Variants in PTPRN2 observed in about 807,000 individuals in gnomAD.
PTPRN2 encodes receptor-type tyrosine-protein phosphatase N2.
A neutral mutation model predicts 118.8 loss-of-function variants in PTPRN2; 74 were observed. The observed-to-expected ratio is 0.62, with a 90% CI of 0.52 to 0.76. PTPRN2 has a LOEUF of 0.76. Ranked by LOEUF, PTPRN2 falls within the 30% of genes least tolerant of loss-of-function variation. The pLI, the probability that PTPRN2 is intolerant of heterozygous loss-of-function variation, is 0.00. For synonymous variants in PTPRN2, 641 were observed against 608.0 expected (o/e 1.05, Z -0.80); for missense variants, 1,481 against 1,394.4 (o/e 1.06, Z -0.99).
At chr7:158,548,970 C>A (rs1826466161) in intron 1 of PTPRN2, among the ~76,000 whole-genome samples, 1 of 152,222 alleles carries the variant, frequency 6.6e-6, no homozygotes, top group Non-Finnish European at 1.5e-5. Flanking sequence ...CCAGCCCAGG[C>A]ACGGCCAACG....
Position 158,069,060 on chromosome 7 carries a change from G to A in PTPRN2, c.1723+12238C>T, listed in dbSNP as rs932335069. Among the ~76,000 whole-genome samples the A allele has an allele frequency of 6.6e-5, 10 of 152,302 alleles. No individual in the cohort carries two copies. In the South Asian group the frequency reaches 2.1e-3, roughly 32 times the overall value. On this transcript the variant is annotated intron_variant, in intron 11 of 22. Coordinates refer to ENST00000389418, the MANE Select transcript of PTPRN2 (RefSeq NM_002847.5). The stretch of plus-strand genomic sequence containing the variant: ...TGGGCTTTGCATCATACGAATCATC[G>A]CATCTCGTTAGTGAAGCGGCCTCAT...
At chr7:158,150,915 C>A (rs544314530) in intron 6 of PTPRN2, among the ~76,000 whole-genome samples, 2 of 151,936 alleles carry the variant, frequency 1.3e-5, no homozygotes, top group Non-Finnish European at 2.9e-5. Context: ...GCAAATGGGC[C>A]CCACACAACA....
At position 158,061,283 on chromosome 7, in the gene PTPRN2, G is replaced by A. The variant is rs543964855; in HGVS notation, c.1723+20015C>T. 1.4e-4 allele frequency among the ~76,000 whole-genome samples: 22 copies of A among 152,338 alleles called. No homozygotes were observed. In the East Asian group the frequency reaches 4.2e-3, roughly 29 times the overall value. ...TTACTGATGTGCACAAAGGACCCAG[G>A]GACCACTTAAAACAAGGGGAGGACT... On this transcript the variant is annotated intron_variant, in intron 11 of 22. Coordinates refer to ENST00000389418, the MANE Select transcript of PTPRN2 (RefSeq NM_002847.5).
chr7:158,585,860 AAAC>A (rs1828876507), intron 1 of PTPRN2, among the ~76,000 whole-genome samples: 2 of 152,210 alleles, frequency 1.3e-5, no homozygotes, highest in Non-Finnish European at 2.9e-5. Flanking sequence ...GCCTCAGAGC[AAAC>A]AACTCTCCCA....
At chr7:157,682,243 T>C (rs1019514152) in intron 13 of PTPRN2, among the ~76,000 whole-genome samples, 1 of 152,068 alleles carries the variant, frequency 6.6e-6, no homozygotes, top group African/African-American at 2.4e-5. Context: ...TGGGTCACCT[T>C]CCCCTGGTCA....
At chr7:158,290,928 A>G (rs1323859381) in intron 3 of PTPRN2, among the ~76,000 whole-genome samples, 1 of 152,190 alleles carries the variant, frequency 6.6e-6, no homozygotes, top group Non-Finnish European at 1.5e-5. Flanking sequence ...AATGTTGACT[A>G]TGTGACTCTC....
At chr7:158,535,214 G>A (rs1418395987) in intron 1 of PTPRN2, among the ~76,000 whole-genome samples, 7 of 152,168 alleles carry the variant, frequency 4.6e-5, no homozygotes, top group Admixed American at 1.3e-4. Context: ...CAATCTGGTC[G>A]AAGAAAACAG....
intron 2 of PTPRN2, among the ~76,000 whole-genome samples, chr7:158,396,311 A>AT (rs1812495861): frequency 1.3e-5 from 2 of 152,244 alleles, no homozygotes; most frequent in Non-Finnish European, 2.9e-5. Context: ...ATTAATGCAT[A>AT]TATCTCTATT....
intron 2 of PTPRN2, among the ~76,000 whole-genome samples, chr7:158,363,796 G>A (rs1045532631): frequency 2.6e-5 from 4 of 152,176 alleles, no homozygotes; most frequent in Non-Finnish European, 5.9e-5. Context: ...CCAGTGTCTG[G>A]GTCTCCACGG....
rs114814237 is a variant in PTPRN2 at position 158,214,762 on chromosome 7, C to T, written c.278-9489G>A. ...TTGAAACTCCCACCCCTCTCCCTAACCAATCAGTAAAAAGACCCCACCTTC... is the reference window on the plus strand; with the variant it reads ...TTGAAACTCCCACCCCTCTCCCTAATCAATCAGTAAAAAGACCCCACCTTC... On this transcript the variant is annotated intron_variant, in intron 3 of 22. Transcript: ENST00000389418. Among the ~76,000 whole-genome samples the T allele has an allele frequency of 7.4e-3, 1,132 of 152,176 alleles. 17 individuals carry two copies. Among genetic ancestry groups the T allele is most frequent in the African/African-American group, 0.026 (1,069 of 41,528 alleles).
intron 3 of PTPRN2, among the ~76,000 whole-genome samples, chr7:158,238,569 G>A (rs982570557): frequency 6.6e-6 from 1 of 152,110 alleles, no homozygotes; most frequent in Admixed American, 6.5e-5. Context: ...TTAGATTCAG[G>A]TCTTGTTAAC....
At position 157,808,451 on chromosome 7, in the gene PTPRN2, A is replaced by G. The variant is rs963737422; in HGVS notation, c.1788+90222T>C. Among the ~76,000 whole-genome samples, 1 of 152,048 alleles carries G rather than the reference A, an allele frequency of 6.6e-6. No individual in the cohort carries two copies. Among genetic ancestry groups the G allele is most frequent in the African/African-American group, 2.4e-5 (1 of 41,382 alleles). ...AGCTCAGCAGTGGCATCAGATTCTCATAGGAGCTTGAGCCCTGTTGTGAAC... is the reference window on the plus strand; with the variant it reads ...AGCTCAGCAGTGGCATCAGATTCTCGTAGGAGCTTGAGCCCTGTTGTGAAC... On this transcript the variant is annotated intron_variant, in intron 12 of 22. Transcript: ENST00000389418. The surrounding 1 kb of genome is among the most constrained non-coding windows in gnomAD (Gnocchi z 5.0).
intron 12 of PTPRN2, among the ~76,000 whole-genome samples, chr7:157,882,211 GAGACC>G (rs1796172938): frequency 1.3e-5 from 2 of 150,002 alleles, no homozygotes; most frequent in South Asian, 2.1e-4. Context: ...ATGACTATCA[GAGACC>G]AGATACACCA....
chr7:157,811,947 G>A (rs920721405), intron 12 of PTPRN2, among the ~76,000 whole-genome samples: 29 of 152,248 alleles, frequency 1.9e-4, no homozygotes, highest in Admixed American at 1.4e-3. Flanking sequence ...AGGGCGATGG[G>A]GTCGCTGTCT....
At chr7:157,556,089 C>T (rs1317660620) in intron 21 of PTPRN2, among the ~76,000 whole-genome samples, 1 of 152,196 alleles carries the variant, frequency 6.6e-6, no homozygotes, top group African/African-American at 2.4e-5. Flanking sequence ...GAGCAAAACT[C>T]GGCTCAAGGT....
chr7:158,151,165 C>T lies in PTPRN2; in HGVS notation c.911-12650G>A, dbSNP rs1281453645. On this transcript the variant is annotated intron_variant, in intron 6 of 22. Transcript: ENST00000389418. ...TATTCCTGCCTCTCCCTGCCCACAC[C>T]GCCCGCCTTTCTGCTCCTGCCTCTC... Among the ~76,000 whole-genome samples, 89 of 52,834 alleles carry T rather than the reference C, an allele frequency of 1.7e-3. 3 individuals are homozygous for T. The highest frequency in any genetic ancestry group is 0.011 in the Middle Eastern group (1 of 92). The allele number at this position is 52,834 out of a possible 152,430, so 34.7% of individuals were successfully genotyped here.
In PTPRN2 at chr7:158,565,175, A is replaced by G. The variant is rs11977258; in HGVS notation, c.112+22383T>C. On this transcript the variant is annotated intron_variant, in intron 1 of 22. Transcript: ENST00000389418. This position sits in a 1 kb window ranked among gnomAD's most constrained non-coding sequence, Gnocchi z 4.6. ...CCAGGAACATGACACAGTCCGTGCT[A>G]CATCAGATCTGAGTATCAGGATCCA... Among the ~76,000 whole-genome samples, 1,760 of 152,316 alleles carry G rather than the reference A, an allele frequency of 0.012. 28 individuals carry two copies. The highest frequency in any genetic ancestry group is 0.04 in the African/African-American group (1,675 of 41,546).
intron 12 of PTPRN2, among the ~76,000 whole-genome samples, chr7:157,799,953 C>G (rs1348341148): frequency 6.1e-5 from 9 of 148,388 alleles, no homozygotes; most frequent in African/African-American, 1.8e-4. Flanking sequence ...GGCACCACAG[C>G]CGGCCTCCTT....
At chr7:158,251,900 G>A (rs1325979686) in intron 3 of PTPRN2, among the ~76,000 whole-genome samples, 1 of 152,140 alleles carries the variant, frequency 6.6e-6, no homozygotes, top group Non-Finnish European at 1.5e-5. Flanking sequence ...CCTGTGACTT[G>A]AAGCCTCCAT....
Sources: allele counts gnomAD v4.1 joint callset (sites outside exome capture counted in the v4.1 genomes callset), GRCh38; gene constraint gnomAD v4.1.1; non-coding constraint Gnocchi (gnomAD v3.1); transcripts MANE v1.5; gene names NCBI Gene and HGNC (gene_info 2026-07-23, HGNC 2026-07-21).